The following NKAIN3 variants were observed in gnomAD, a reference collection of about 807,000 sequenced individuals.
The protein encoded by NKAIN3 is sodium/potassium-transporting ATPase subunit beta-1-interacting protein 3.
In NKAIN3, 25 loss-of-function variants were observed where a neutral mutation model predicts 30.2. The observed-to-expected ratio is 0.83, with a 90% CI of 0.60 to 1.16. The LOEUF is 1.16. NKAIN3 is among the 50% of genes most tolerant of loss of function. The pLI, the probability that NKAIN3 is intolerant of heterozygous loss-of-function variation, is 0.00. For missense variants in NKAIN3, 225 were observed against 254.1 expected, an observed-to-expected ratio of 0.89 and a Z score of 0.78; for synonymous variants, 91 against 89.6, an observed-to-expected ratio of 1.02 and a Z score of -0.09.
chr8:62,961,898 C>T (rs1404996483), intron 6 of NKAIN3, among the ~76,000 whole-genome samples: 1 of 152,202 alleles, frequency 6.6e-6, no homozygotes, highest in Admixed American at 6.5e-5. Context: ...ATTATCGATG[C>T]TTACAAATAT....
intron 5 of NKAIN3, chr8:62,990,205 C>T (rs758519111): frequency 5.2e-6 from 8 of 1,542,324 alleles, no homozygotes; most frequent in Admixed American, 1.9e-5. Flanking sequence ...ATCTTTTTAT[C>T]CAGATGCTGC....
chr8:62,957,906 A>G (rs1823467254), intron 6 of NKAIN3, among the ~76,000 whole-genome samples: 2 of 152,144 alleles, frequency 1.3e-5, no homozygotes, highest in African/African-American at 4.8e-5. Flanking sequence ...AACACATGTA[A>G]CACACTGGTA....
At chr8:62,625,858 A>G (rs1392459190) in intron 3 of NKAIN3, among the ~76,000 whole-genome samples, 1 of 152,050 alleles carries the variant, frequency 6.6e-6, no homozygotes. Context: ...GGAGACTTGG[A>G]GCAGGAAAGA....
At chr8:62,814,015 A>C (rs6472051) in intron 4 of NKAIN3, among the ~76,000 whole-genome samples, 84,617 of 151,866 alleles carry the variant, frequency 0.56, 24,989 homozygotes, top group Non-Finnish European at 0.67. Flanking sequence ...TTGTTAGTCT[A>C]ATAAGGATTC....
intron 2 of NKAIN3, among the ~76,000 whole-genome samples, chr8:62,589,041 A>G (rs1810570212): frequency 6.6e-6 from 1 of 151,900 alleles, no homozygotes; most frequent in Admixed American, 6.6e-5. Context: ...AATACATAAT[A>G]TCTTAATAAA....
At chr8:62,268,771 A>G (rs913225257) in intron 1 of NKAIN3, among the ~76,000 whole-genome samples, 1 of 152,218 alleles carries the variant, frequency 6.6e-6, no homozygotes. Context: ...ACCTAACACC[A>G]TGAATGTCTA....
intron 1 of NKAIN3, among the ~76,000 whole-genome samples, chr8:62,558,239 G>T (rs1809469121): frequency 6.6e-6 from 1 of 151,900 alleles, no homozygotes; most frequent in Admixed American, 6.6e-5. Context: ...TTTGTTTCTG[G>T]GTTCTCTATT....
chr8:62,596,010 G>A (rs1323724494), intron 3 of NKAIN3, among the ~76,000 whole-genome samples: 1 of 151,982 alleles, frequency 6.6e-6, no homozygotes, highest in Non-Finnish European at 1.5e-5. Context: ...TACTTGTTTG[G>A]CACACTTTAC....
chr8:62,512,904 T>C (rs1027066945), intron 1 of NKAIN3, among the ~76,000 whole-genome samples: 3 of 152,108 alleles, frequency 2.0e-5, no homozygotes, highest in Non-Finnish European at 4.4e-5. Flanking sequence ...AAGTGACAAA[T>C]GACTGTCCTC....
At chr8:62,249,612 G>A (rs181591867) in intron 1 of NKAIN3, among the ~76,000 whole-genome samples, 2 of 152,174 alleles carry the variant, frequency 1.3e-5, no homozygotes, top group Admixed American at 1.3e-4. Context: ...TTAGTGAAGA[G>A]TGAGGTGGTT....
chr8:62,731,490 T>C (rs983232975), intron 3 of NKAIN3, among the ~76,000 whole-genome samples: 1 of 152,128 alleles, frequency 6.6e-6, no homozygotes, highest in African/African-American at 2.4e-5. Context: ...ATAAATACAC[T>C]AGTAAATACT....
chr8:62,705,714 A>C (rs77052419), intron 3 of NKAIN3, among the ~76,000 whole-genome samples: 4,040 of 151,916 alleles, frequency 0.027, 193 homozygotes, highest in African/African-American at 0.093. Flanking sequence ...CTTTCTATTG[A>C]ATTTTTCGCT....
chr8:62,869,586 C>A (rs1820528339), intron 4 of NKAIN3, among the ~76,000 whole-genome samples: 1 of 152,112 alleles, frequency 6.6e-6, no homozygotes, highest in Admixed American at 6.5e-5. Flanking sequence ...CAGTGGACTC[C>A]ACCAAATCGG....
At chr8:62,729,453 C>G (rs1231515265) in intron 3 of NKAIN3, among the ~76,000 whole-genome samples, 8 of 152,140 alleles carry the variant, frequency 5.3e-5, no homozygotes, top group South Asian at 4.1e-4. Context: ...CTTTGGAAGA[C>G]AGTTTGGTAG....
At chr8:62,561,341 T>A (rs1458520319) in intron 1 of NKAIN3, among the ~76,000 whole-genome samples, 1 of 152,208 alleles carries the variant, frequency 6.6e-6, no homozygotes, top group East Asian at 1.9e-4. Context: ...GCAAGAGGAC[T>A]ATAGAAAAGC....
rs377748612 is a variant in NKAIN3 at position 62,579,647 on chromosome 8, A to C, written c.163A>C (p.Ile55Leu). The C allele has an allele frequency of 1.1e-5, 18 of 1,601,668 alleles. No individual in the cohort carries two copies. The African/African-American group carries it at 2.3e-4, about 20-fold the overall frequency. The part of the protein sequence containing the change: ...IVVILGLFGT[I>L]QYRPRYIMVY... Reference sequence around the variant, plus strand: ...TGTCATATTGGGTTTGTTTGGGACCATTCAGTACAGACCTCGATACATAAT... The same window carrying C: ...TGTCATATTGGGTTTGTTTGGGACCCTTCAGTACAGACCTCGATACATAAT... Residue 55 changes from isoleucine to leucine, a missense_variant, in exon 2 of 7, where the codon ATT becomes CTT. Physicochemically the swap from Ile to Leu is conservative, Grantham distance 5. Coordinates refer to ENST00000623646, the MANE Select transcript of NKAIN3 (RefSeq NM_001304533.3).
At chr8:62,742,574 T>C in intron 3 of NKAIN3, among the ~76,000 whole-genome samples, 1 of 152,296 alleles carries the variant, frequency 6.6e-6, no homozygotes, top group East Asian at 1.9e-4. Flanking sequence ...ACAAATGCCA[T>C]TGTTTATATC....
chr8:62,771,219 G>A (rs924911997), intron 4 of NKAIN3, among the ~76,000 whole-genome samples: 2 of 151,906 alleles, frequency 1.3e-5, no homozygotes, highest in African/African-American at 4.8e-5. Context: ...CTTGAGCCCG[G>A]GAGTTCAAGA....
At chr8:62,892,565 T>G (rs1483339654) in intron 4 of NKAIN3, among the ~76,000 whole-genome samples, 1 of 152,022 alleles carries the variant, frequency 6.6e-6, no homozygotes, top group African/African-American at 2.4e-5. Flanking sequence ...CTGAAGAAAA[T>G]AAATAAACCA....
Sources: allele counts gnomAD v4.1 joint callset (sites outside exome capture counted in the v4.1 genomes callset), GRCh38; gene constraint gnomAD v4.1.1; transcripts MANE v1.5; gene names NCBI Gene and HGNC (gene_info 2026-07-23, HGNC 2026-07-21).